The following GSAP variants were observed in gnomAD, a reference collection of about 807,000 sequenced individuals.
GSAP encodes the protein gamma-secretase-activating protein.
Under a neutral mutation model 131.7 loss-of-function variants are expected in GSAP, and 118 were observed. The observed-to-expected ratio is 0.90, with a 90% CI of 0.77 to 1.04. The LOEUF (loss-of-function observed/expected upper bound fraction) is 1.04. GSAP is among the 50% of genes least tolerant of loss of function. The probability of loss-of-function intolerance (pLI) is 0.00; values close to 1 mark genes in which losing one functional copy is unlikely to be tolerated. For synonymous variants in GSAP, 381 were observed against 363.4 expected, an observed-to-expected ratio of 1.05 and a Z score of -0.55; for missense variants, 1,019 against 1,013.2, an observed-to-expected ratio of 1.01 and a Z score of -0.08.
chr7:77,341,425 C>T (rs760793053), intron 19 of GSAP, among the ~76,000 whole-genome samples: 3 of 152,206 alleles, frequency 2.0e-5, no homozygotes, highest in African/African-American at 4.8e-5. Flanking sequence ...CTCGCCTCCT[C>T]ACACCTGGTC....
intron 27 of GSAP, among the ~76,000 whole-genome samples, chr7:77,314,082 G>A (rs529039227): frequency 2.2e-4 from 33 of 152,288 alleles, no homozygotes; most frequent in African/African-American, 7.2e-4. Context: ...TTAGGACCTC[G>A]TGAAGGGCTC....
intron 22 of GSAP, chr7:77,327,257 A>G (rs149808059): frequency 3.3e-5 from 5 of 152,450 alleles, no homozygotes; most frequent in African/African-American, 1.2e-4. Context: ...GCCCTGACAC[A>G]TACAGTAGCT....
intron 12 of GSAP, among the ~76,000 whole-genome samples, chr7:77,372,205 T>G (rs549581903): frequency 1.3e-5 from 2 of 152,350 alleles, no homozygotes; most frequent in East Asian, 1.9e-4. Context: ...ACGTGGATCA[T>G]TCTACAAGAC....
At chr7:77,346,970 T>C (rs1488098548) in intron 19 of GSAP, among the ~76,000 whole-genome samples, 2 of 135,068 alleles carry the variant, frequency 1.5e-5, no homozygotes, top group Non-Finnish European at 3.1e-5. Context: ...GCCTTTCTGA[T>C]TGCAGATCTT....
intron 19 of GSAP, among the ~76,000 whole-genome samples, chr7:77,345,298 C>T (rs192077208): frequency 5.3e-4 from 80 of 152,340 alleles, no homozygotes; most frequent in African/African-American, 1.8e-3. Flanking sequence ...ATCTATACCA[C>T]TCTAGGTTCC....
Position 77,406,081 on chromosome 7 carries a change from C to A in GSAP, c.134G>T (p.Ser45Ile), listed in dbSNP as rs1171849310. ...GADVLENDYESLHVLNVERNG... is the reference protein window; with the variant it reads ...GADVLENDYEILHVLNVERNG... ...TCTTTCAACATTTAATACATGTAAG[C>A]TCTCATAATCGTTTTCTAAAACATC... is the stretch of plus-strand genomic sequence containing the variant. The change falls in exon 2 of 31, where the codon AGC becomes ATC. Residue 45 changes from serine (S) to isoleucine (I), a missense_variant. Ser to Ile is a moderately radical substitution (Grantham distance 142). Transcript: ENST00000257626. 8.3e-7 allele frequency: 1 copy of A among 1,202,306 alleles called. No individual in the cohort carries two copies. 74.5% of individuals were successfully genotyped at this position (1,202,306 alleles called of 1,614,324 possible). A position where few individuals can be genotyped will look rare whatever the true frequency, so the allele number is the denominator to read the frequency against.
In GSAP at chr7:77,362,638, G is replaced by C; in HGVS notation, c.894C>G (p.Ser298Arg). 1 of 1,576,060 alleles carries C rather than the reference G, an allele frequency of 6.3e-7. No individual in the cohort carries two copies. The highest frequency in any genetic ancestry group is 8.7e-7 in the Non-Finnish European group (1 of 1,146,032). Residue 298 changes from serine to arginine, a missense_variant, in exon 13 of 31, where the codon AGC becomes AGG. Physicochemically the swap from Ser to Arg is moderately radical, Grantham distance 110 (BLOSUM62 -1). Transcript: ENST00000257626. ...NHTGSLCVCY[S>R]PKCASWGQIT... ...TTTGTCCCCAAGAGGCACACTTCGG[G>C]CTGTAACATACACACAAACTTCCTA... is the stretch of plus-strand genomic sequence containing the variant.
intron 13 of GSAP, 38 bp from the exon 14 acceptor site, chr7:77,360,939 A>G (rs774118257): frequency 3.4e-6 from 4 of 1,187,288 alleles, no homozygotes; most frequent in Non-Finnish European, 5.1e-6. Flanking sequence ...AATGTTAAAC[A>G]AAGAACTGGA....
At chr7:77,373,196 A>AT (rs1796392161) in intron 12 of GSAP, among the ~76,000 whole-genome samples, 1 of 152,180 alleles carries the variant, frequency 6.6e-6, no homozygotes, top group Non-Finnish European at 1.5e-5. Flanking sequence ...TCATAATATG[A>AT]TTCTATTTAA....
chr7:77,369,376 C>G (rs563010291), intron 12 of GSAP, among the ~76,000 whole-genome samples: 206 of 152,320 alleles, frequency 1.4e-3, no homozygotes, highest in Non-Finnish European at 1.0e-3. Flanking sequence ...GCAGTGGCAG[C>G]AGCACTTTTG....
chr7:77,330,224 C>G lies in GSAP; in HGVS notation c.1674+15G>C. On this transcript the variant is annotated intron_variant, in intron 20 of 30. Transcript: ENST00000257626. The stretch of plus-strand genomic sequence containing the variant: ...TGCCTCGCTGCTGGCTTTGTTCTCA[C>G]TGACCCACTCATACCTCTTCAGAGA... 2 of 1,604,400 alleles carry G rather than the reference C, an allele frequency of 1.2e-6. No homozygotes were observed. The highest frequency in any genetic ancestry group is 2.2e-5 in the South Asian group (2 of 89,676).
chr7:77,366,216 T>C (rs1449131367), intron 12 of GSAP, among the ~76,000 whole-genome samples: 1 of 152,204 alleles, frequency 6.6e-6, no homozygotes, highest in Non-Finnish European at 1.5e-5. Flanking sequence ...TTTCTTTTGC[T>C]GTGCAGAAGC....
At chr7:77,332,482 C>T (rs139311976) in intron 19 of GSAP, among the ~76,000 whole-genome samples, 178 of 152,264 alleles carry the variant, frequency 1.2e-3, no homozygotes, top group African/African-American at 3.9e-3. Flanking sequence ...AAACAGAGCT[C>T]GCCACATGTC....
intron 5 of GSAP, among the ~76,000 whole-genome samples, chr7:77,393,954 G>A (rs556701150): frequency 3.3e-5 from 5 of 152,214 alleles, no homozygotes; most frequent in South Asian, 4.1e-4. Context: ...GATTACAGGC[G>A]TGAGCCACTG....
At chr7:77,353,513 T>C in intron 17 of GSAP, 59 bp downstream of exon 17, 1 of 1,099,924 alleles carries the variant, frequency 9.1e-7, no homozygotes, top group Non-Finnish European at 1.4e-6. Flanking sequence ...AATTTACTGC[T>C]TTCCCTCAAG....
intron 12 of GSAP, among the ~76,000 whole-genome samples, chr7:77,370,934 C>T (rs1283278464): frequency 6.6e-6 from 1 of 152,188 alleles, no homozygotes; most frequent in Non-Finnish European, 1.5e-5. Context: ...CCCTTTCTCT[C>T]TCTCCAGACA....
chr7:77,338,757 G>T (rs1341210646), intron 19 of GSAP, among the ~76,000 whole-genome samples: 1 of 152,174 alleles, frequency 6.6e-6, no homozygotes, highest in Non-Finnish European at 1.5e-5. Context: ...CCATCACCTT[G>T]GGGGTCAGGA....
chr7:77,313,065 A>G (rs139714589), intron 28 of GSAP, among the ~76,000 whole-genome samples: 12 of 152,276 alleles, frequency 7.9e-5, no homozygotes, highest in Admixed American at 7.8e-4. Context: ...TGACCTAGGA[A>G]TGTCTTCCTA....
rs1412220030 is a variant in GSAP at position 77,326,289 on chromosome 7, G to A, written c.1766-16C>T. On this transcript the variant is annotated splice_polypyrimidine_tract_variant and intron_variant, in intron 22 of 30. Transcript: ENST00000257626. ...AATCTTGGCCCTGAAATGAAACAGA[G>A]CAATAGTTAGGCTCTGAGCAGTTTT... is the stretch of plus-strand genomic sequence containing the variant. The A allele has an allele frequency of 2.5e-6, 4 of 1,595,038 alleles. No homozygotes were observed. Among genetic ancestry groups the A allele is most frequent in the East Asian group, 2.2e-5 (1 of 44,742 alleles).
Sources: allele counts gnomAD v4.1 joint callset (sites outside exome capture counted in the v4.1 genomes callset), GRCh38; gene constraint gnomAD v4.1.1; transcripts MANE v1.5; gene names NCBI Gene and HGNC (gene_info 2026-07-23, HGNC 2026-07-21).